PROM1: variants seen among roughly 807,000 people sequenced by gnomAD.
PROM1 encodes the protein prominin 1, also known as prominin-1.
In PROM1, 105 loss-of-function variants were observed where a neutral mutation model predicts 116.9. That is an observed-to-expected ratio of 0.90 (90% CI 0.77 to 1.06). PROM1 has a LOEUF of 1.06. Ranked by LOEUF, PROM1 falls within the 50% of genes least tolerant of loss-of-function variation. The pLI is 0.00. For missense variants in PROM1, 1,122 were observed against 1,045.2 expected, an observed-to-expected ratio of 1.07 and a Z score of -1.01; for synonymous variants, 393 against 387.0, an observed-to-expected ratio of 1.02 and a Z score of -0.18.
chr4:15,989,453 T>C (rs187124890), intron 19 of PROM1, among the ~76,000 whole-genome samples: 23 of 152,262 alleles, frequency 1.5e-4, no homozygotes, highest in African/African-American at 5.1e-4. Context: ...ATGCGGGGCA[T>C]AGGAGGGCCT....
At chr4:16,004,723 C>G (rs1365362270) in intron 13 of PROM1, among the ~76,000 whole-genome samples, 2 of 152,120 alleles carry the variant, frequency 1.3e-5, no homozygotes, top group Non-Finnish European at 2.9e-5. Context: ...TACATTTGAA[C>G]AAGAAGGGAA....
At chr4:16,049,486 T>C (rs1251113831) in intron 2 of PROM1, among the ~76,000 whole-genome samples, 1 of 152,150 alleles carries the variant, frequency 6.6e-6, no homozygotes, top group Admixed American at 6.5e-5. Context: ...ATTTTATTAA[T>C]CTGGTACTCT....
intron 3 of PROM1, among the ~76,000 whole-genome samples, chr4:16,038,664 G>C (rs1404765270): frequency 6.6e-6 from 1 of 151,950 alleles, no homozygotes; most frequent in Non-Finnish European, 1.5e-5. Context: ...GCCTACCAAA[G>C]TGCTGGGATT....
chr4:16,004,827 CT>C (rs1553903936), intron 13 of PROM1, among the ~76,000 whole-genome samples: 9 of 123,718 alleles, frequency 7.3e-5, no homozygotes, highest in African/African-American at 2.9e-4. Context: ...TTCTTTCTTT[CT>C]TTTTCTTCCT....
intron 15 of PROM1, among the ~76,000 whole-genome samples, chr4:15,995,756 A>G (rs1722176072): frequency 6.6e-6 from 1 of 152,150 alleles, no homozygotes; most frequent in African/African-American, 2.4e-5. Flanking sequence ...TCCCTCAGGT[A>G]GTCCTTCCTA....
intron 18 of PROM1, among the ~76,000 whole-genome samples, chr4:15,990,507 A>C (rs1720703506): frequency 6.6e-6 from 1 of 152,132 alleles, no homozygotes; most frequent in South Asian, 2.1e-4. Flanking sequence ...CCCAGGTACT[A>C]TTCCCTACAC....
chr4:16,059,314 AC>A (rs1181985326), intron 2 of PROM1, among the ~76,000 whole-genome samples: 3 of 152,148 alleles, frequency 2.0e-5, no homozygotes, highest in Non-Finnish European at 4.4e-5. Context: ...ACCCCACAAG[AC>A]AGTAGACAAA....
chr4:15,993,953 GTGTT>G, intron 16 of PROM1, 30 bp downstream of exon 16: 1 of 1,602,756 alleles, frequency 6.2e-7, no homozygotes, highest in Non-Finnish European at 8.5e-7. Flanking sequence ...GTGAAGGAAT[GTGTT>G]ATGTCGATTC....
At chr4:16,039,610 T>C (rs1025510743) in intron 2 of PROM1, among the ~76,000 whole-genome samples, 1 of 151,712 alleles carries the variant, frequency 6.6e-6, no homozygotes, top group Non-Finnish European at 1.5e-5. Flanking sequence ...TGGTGGCGCA[T>C]GCCTGTAATC....
intron 26 of PROM1, among the ~76,000 whole-genome samples, chr4:15,976,020 G>A (rs184603184): frequency 9.4e-4 from 143 of 152,326 alleles, no homozygotes; most frequent in African/African-American, 3.2e-3. Flanking sequence ...AAGGAAGGAC[G>A]TCCAACATTA....
At chr4:16,063,774 C>T (rs1388392614) in intron 2 of PROM1, among the ~76,000 whole-genome samples, 2 of 152,134 alleles carry the variant, frequency 1.3e-5, no homozygotes, top group Non-Finnish European at 2.9e-5. Context: ...TGTTAACTTC[C>T]ACAGCATATA....
At chr4:15,993,943 G>A in intron 16 of PROM1, 44 bp downstream of exon 16, 1 of 1,575,538 alleles carries the variant, frequency 6.3e-7, no homozygotes, top group Non-Finnish European at 8.6e-7. Flanking sequence ...CCTAGATTTG[G>A]TGAAGGAATG....
At position 15,984,180 on chromosome 4, in the gene PROM1, A is replaced by T. The variant is rs1261750626; in HGVS notation, c.2373+83T>A. ...TTGGATTCTCTCAAGCAGAAAACAA[A>T]TATTATAATGTATATCATAATCCAG... On this transcript the variant is annotated intron_variant, in intron 23 of 27. Coordinates refer to ENST00000447510, the MANE Select transcript of PROM1 (RefSeq NM_006017.3). 1.4e-5 allele frequency: 16 copies of T among 1,130,352 alleles called. No individual in the cohort carries two copies. The East Asian group carries it at 3.9e-4, about 27-fold the overall frequency. The allele number at this position is 1,130,352 out of a possible 1,614,324, so 70.0% of individuals were successfully genotyped here.
chr4:16,038,716 T>C, intron 3 of PROM1, among the ~76,000 whole-genome samples: 1 of 152,194 alleles, frequency 6.6e-6, no homozygotes, highest in Non-Finnish European at 1.5e-5. Flanking sequence ...TTTTAATTTT[T>C]AAGTAACATA....
chr4:15,978,741 C>T (rs1716902439), intron 26 of PROM1, among the ~76,000 whole-genome samples: 1 of 152,216 alleles, frequency 6.6e-6, no homozygotes, highest in African/African-American at 2.4e-5. Context: ...TGCCCTGCTG[C>T]CCTGCACACT....
intron 2 of PROM1, among the ~76,000 whole-genome samples, chr4:16,052,499 CAG>C (rs1417555162): frequency 6.6e-6 from 1 of 152,192 alleles, no homozygotes; most frequent in Non-Finnish European, 1.5e-5. Context: ...TTTCTTGAGA[CAG>C]AGTCTTACTT....
chr4:16,052,076 T>C (rs1285551615), intron 2 of PROM1, among the ~76,000 whole-genome samples: 2 of 152,206 alleles, frequency 1.3e-5, no homozygotes, highest in Non-Finnish European at 2.9e-5. Flanking sequence ...TGGATCTATA[T>C]CTACGCCTGT....
At position 15,985,950 on chromosome 4, in the gene PROM1, G is replaced by A. The variant is rs372262346; in HGVS notation, c.2211+7C>T. 3.8e-5 allele frequency: 38 copies of A among 992,974 alleles called. No homozygotes were observed. The African/African-American group carries it at 1.0e-3, about 26-fold the overall frequency. 61.5% of individuals were successfully genotyped at this position (992,974 alleles called of 1,614,324 possible). A position where few individuals can be genotyped will look rare whatever the true frequency, so the allele number is the denominator to read the frequency against. ...TGGACACGCTTACTTTAAAAAAGAA[G>A]GCTCACCTCAATAATAACAGAGGAA... On this transcript the variant is annotated splice_region_variant and intron_variant, in intron 21 of 27. Coordinates refer to ENST00000447510, the MANE Select transcript of PROM1 (RefSeq NM_006017.3).
At chr4:15,973,140 G>C (rs1426714360) in intron 26 of PROM1, among the ~76,000 whole-genome samples, 1 of 152,226 alleles carries the variant, frequency 6.6e-6, no homozygotes, top group Non-Finnish European at 1.5e-5. Context: ...CTGCAGAGGT[G>C]CAGCCATGCG....
Sources: gnomAD v4.1 joint callset for allele counts (sites outside exome capture counted in the v4.1 genomes callset) on GRCh38, gnomAD v4.1.1 for gene constraint, MANE v1.5 for transcripts, NCBI Gene and HGNC (gene_info 2026-07-23, HGNC 2026-07-21) for gene names.